ZPBP: variants seen among roughly 807,000 people sequenced by gnomAD.
The protein encoded by ZPBP is zona pellucida-binding protein 1.
ZPBP carries 26 observed loss-of-function variants against 44.8 expected under a neutral mutation model. The observed-to-expected ratio is 0.58, with a 90% CI of 0.43 to 0.81. The LOEUF (loss-of-function observed/expected upper bound fraction) is 0.81. Ranked by LOEUF, ZPBP falls within the 30% of genes least tolerant of loss-of-function variation. ZPBP has a pLI of 0.00. For missense variants in ZPBP, 409 were observed against 434.0 expected, an observed-to-expected ratio of 0.94 and a Z score of 0.51; for synonymous variants, 174 against 153.2, an observed-to-expected ratio of 1.14 and a Z score of -1.00.
At chr7:50,033,305 T>C (rs1799685300) in intron 4 of ZPBP, among the ~76,000 whole-genome samples, 1 of 152,164 alleles carries the variant, frequency 6.6e-6, no homozygotes, top group African/African-American at 2.4e-5. Flanking sequence ...AAAACACATA[T>C]TACAAAGGCT....
chr7:49,897,481 C>T (rs1792447057), intron 2 of ZPBP, among the ~76,000 whole-genome samples: 1 of 152,132 alleles, frequency 6.6e-6, no homozygotes, highest in Non-Finnish European at 1.5e-5. Context: ...CCAAAGTTGG[C>T]TTAGTACTCA....
In ZPBP at chr7:49,876,542, A is replaced by G. The variant is rs551357440; in HGVS notation, n.509+24576T>C. 4.6e-5 allele frequency among the ~76,000 whole-genome samples: 7 copies of G among 152,318 alleles called. No individual in the cohort carries two copies. The East Asian group carries it at 1.3e-3, about 29-fold the overall frequency. ...TATTCAGGGATATGCTGCTGACATG[A>G]TTCATATTTAATTTAGTACTTCAAT... On this transcript the variant is annotated intron_variant and non_coding_transcript_variant, in intron 2 of 2. Coordinates refer to the ZPBP transcript ENST00000465922.
intron 3 of ZPBP, among the ~76,000 whole-genome samples, chr7:50,062,320 C>T (rs1158538781): frequency 6.6e-6 from 1 of 152,094 alleles, no homozygotes; most frequent in African/African-American, 2.4e-5. Context: ...TTAGAAAAAA[C>T]CTACTGTAAA....
At chr7:50,003,429 C>T (rs890384523) in intron 6 of ZPBP, among the ~76,000 whole-genome samples, 1 of 152,222 alleles carries the variant, frequency 6.6e-6, no homozygotes, top group Non-Finnish European at 1.5e-5. Context: ...TCCCACCTCA[C>T]CTCCAGTGGC....
intron 4 of ZPBP, among the ~76,000 whole-genome samples, chr7:50,045,551 T>C (rs1454294297): frequency 1.3e-5 from 2 of 152,074 alleles, no homozygotes; most frequent in Non-Finnish European, 2.9e-5. Flanking sequence ...TCACAATTGC[T>C]ACAAAGAGAA....
chr7:49,903,126 A>C (rs1197472307), intron 1 of ZPBP, among the ~76,000 whole-genome samples: 1 of 152,212 alleles, frequency 6.6e-6, no homozygotes, highest in Non-Finnish European at 1.5e-5. Flanking sequence ...GCTGGTAAAG[A>C]TGTGAGTAAA....
intron 7 of ZPBP, among the ~76,000 whole-genome samples, chr7:49,965,287 C>A (rs1436958945): frequency 2.0e-5 from 3 of 151,520 alleles, no homozygotes; most frequent in Non-Finnish European, 4.4e-5. Flanking sequence ...AAAAGAAAAA[C>A]AAGGATAAAG....
chr7:50,026,739 C>A (rs931763113), intron 5 of ZPBP, among the ~76,000 whole-genome samples: 20 of 151,450 alleles, frequency 1.3e-4, no homozygotes, highest in Non-Finnish European at 1.5e-5. Context: ...AACAAAAAAA[C>A]CACACACACA....
chr7:49,933,297 G>A (rs962725452), downstream of ZPBP, among the ~76,000 whole-genome samples: 4 of 8,088 alleles, frequency 4.9e-4, no homozygotes, highest in Admixed American at 1.2e-3. Flanking sequence ...ATTTTCCCCT[G>A]ACTTCTAATC....
chr7:49,864,335 T>C (rs1790792350), intron 2 of ZPBP, among the ~76,000 whole-genome samples: 1 of 152,138 alleles, frequency 6.6e-6, no homozygotes, highest in East Asian at 1.9e-4. Context: ...GGACCTTCCT[T>C]CACCCCTTAA....
chr7:49,990,836 A>G (rs1797539245), intron 6 of ZPBP, among the ~76,000 whole-genome samples: 1 of 152,232 alleles, frequency 6.6e-6, no homozygotes, highest in African/African-American at 2.4e-5. Context: ...AGATTGGTCT[A>G]ACACACCTAA....
intron 7 of ZPBP, among the ~76,000 whole-genome samples, chr7:49,982,420 G>T (rs1797067465): frequency 7.1e-6 from 1 of 140,090 alleles, no homozygotes; most frequent in African/African-American, 2.6e-5. Flanking sequence ...GTTAACAGTT[G>T]GAAGTCATTT....
At chr7:49,900,802 C>A (rs766686887) in intron 2 of ZPBP, among the ~76,000 whole-genome samples, 2 of 151,744 alleles carry the variant, frequency 1.3e-5, no homozygotes, top group Admixed American at 6.6e-5. Flanking sequence ...GACATAGACA[C>A]TACAAGAAAG....
chr7:49,856,381 C>T (rs1254686039), intron 2 of ZPBP, among the ~76,000 whole-genome samples: 1 of 152,162 alleles, frequency 6.6e-6, no homozygotes, highest in African/African-American at 2.4e-5. Flanking sequence ...TACTGGCTCC[C>T]TCTTCTCCTT....
At chr7:49,997,902 C>CTTTATTTA (rs34980402) in intron 6 of ZPBP, among the ~76,000 whole-genome samples, 2,104 of 150,672 alleles carry the variant, frequency 0.014, 38 homozygotes, top group African/African-American at 0.041. Context: ...AATTAAATGT[C>CTTTATTTA]TTTATTTATT....
intron 2 of ZPBP, among the ~76,000 whole-genome samples, chr7:49,868,129 T>C (rs2128722359): frequency 1.3e-5 from 2 of 152,238 alleles, no homozygotes; most frequent in African/African-American, 4.8e-5. Context: ...CCACTGTGCC[T>C]GTCCAAGGAA....
intron 1 of ZPBP, among the ~76,000 whole-genome samples, chr7:49,922,804 G>A (rs903683323): frequency 1.1e-4 from 17 of 152,162 alleles, no homozygotes; most frequent in African/African-American, 3.6e-4. Flanking sequence ...ATACAATGGA[G>A]CAGAAACAAC....
At chr7:49,842,160 G>A in the ZPBP span, among the ~76,000 whole-genome samples, 3 of 152,102 alleles carry the variant, frequency 2.0e-5, no homozygotes, top group South Asian at 2.1e-4. Context: ...GAGCCACCGC[G>A]CCTGGCCAAT....
At chr7:49,935,242 G>C (rs1172183553), downstream of ZPBP, among the ~76,000 whole-genome samples, 2 of 152,142 alleles carry the variant, frequency 1.3e-5, no homozygotes, top group Admixed American at 6.6e-5. Flanking sequence ...GAGTATCCTA[G>C]TATAATTGAA....
Sources: allele counts gnomAD v4.1 joint callset (sites outside exome capture counted in the v4.1 genomes callset), GRCh38; gene constraint gnomAD v4.1.1; transcripts MANE v1.5; gene names NCBI Gene and HGNC (gene_info 2026-07-23, HGNC 2026-07-21).